The following PDE10A variants were observed in gnomAD, a reference collection of about 807,000 sequenced individuals.
The protein encoded by PDE10A is cAMP and cAMP-inhibited cGMP 3',5'-cyclic phosphodiesterase 10A.
Under a neutral mutation model 97.7 loss-of-function variants are expected in PDE10A, and 39 were observed. That is an observed-to-expected ratio of 0.40 (90% confidence interval 0.31 to 0.52). The LOEUF (loss-of-function observed/expected upper bound fraction) is 0.52, where lower values mean the gene tolerates loss of function less well. Ranked by LOEUF, PDE10A falls within the 20% of genes least tolerant of loss-of-function variation. The pLI, the probability that PDE10A is intolerant of heterozygous loss-of-function variation, is 0.56. For missense variants in PDE10A, 731 were observed against 1,047.8 expected (o/e 0.70, Z 4.17); for synonymous variants, 371 against 376.8 (o/e 0.98, Z 0.18).
At chr6:165,599,927 A>G (rs1786838380) in intron 1 of PDE10A, among the ~76,000 whole-genome samples, 1 of 152,138 alleles carries the variant, frequency 6.6e-6, no homozygotes, top group Non-Finnish European at 1.5e-5. Context: ...AAGGTGACAC[A>G]CTGATGGGGT....
chr6:165,961,233 A>G (rs138841586), intron 1 of PDE10A, among the ~76,000 whole-genome samples: 1 of 152,268 alleles, frequency 6.6e-6, no homozygotes, highest in East Asian at 1.9e-4. Context: ...TTTCAGTCCC[A>G]AAAAACAAAT....
intron 5 of PDE10A, among the ~76,000 whole-genome samples, chr6:165,446,194 T>C (rs1217170872): frequency 1.3e-5 from 2 of 152,236 alleles, no homozygotes. Context: ...ACCAAAGATA[T>C]ATTCCAAGGA....
At chr6:165,763,275 T>C (rs1195569518) in intron 1 of PDE10A, among the ~76,000 whole-genome samples, 2 of 152,216 alleles carry the variant, frequency 1.3e-5, no homozygotes, top group Admixed American at 6.5e-5. Context: ...CCCTGGTGTT[T>C]TGACTGACAT....
intron 1 of PDE10A, among the ~76,000 whole-genome samples, chr6:165,982,896 A>C (rs552114386): frequency 1.3e-5 from 2 of 152,304 alleles, no homozygotes; most frequent in East Asian, 3.9e-4. Context: ...CAAAACAAAA[A>C]TTGTCATTGG....
chr6:165,835,123 G>A (rs1185662270), intron 1 of PDE10A, among the ~76,000 whole-genome samples: 2 of 152,170 alleles, frequency 1.3e-5, no homozygotes, highest in African/African-American at 2.4e-5. Flanking sequence ...GTGGGGAAGG[G>A]CCGTCCTCGG....
chr6:165,945,048 G>C (rs1390240225), intron 1 of PDE10A, among the ~76,000 whole-genome samples: 1 of 152,162 alleles, frequency 6.6e-6, no homozygotes, highest in Non-Finnish European at 1.5e-5. Context: ...ATGTTGCACA[G>C]GGCGGTTGGT....
At chr6:165,714,140 A>G (rs760041778) in intron 1 of PDE10A, among the ~76,000 whole-genome samples, 5 of 152,218 alleles carry the variant, frequency 3.3e-5, no homozygotes, top group African/African-American at 4.8e-5. Context: ...GGGGTCCCCT[A>G]TTGCGTATCT....
intron 1 of PDE10A, among the ~76,000 whole-genome samples, chr6:165,638,568 A>T (rs1181593921): frequency 1.3e-5 from 2 of 152,236 alleles, no homozygotes; most frequent in African/African-American, 4.8e-5. Context: ...AGAACATTCA[A>T]ACTTTATATT....
chr6:165,843,141 G>A (rs1780307295), intron 1 of PDE10A, among the ~76,000 whole-genome samples: 1 of 152,218 alleles, frequency 6.6e-6, no homozygotes, highest in South Asian at 2.1e-4. Context: ...TTGAGCAAGG[G>A]TGAGAAGACC....
At chr6:165,422,039 G>C (rs1359682706) in intron 10 of PDE10A, among the ~76,000 whole-genome samples, 1 of 149,484 alleles carries the variant, frequency 6.7e-6, no homozygotes, top group Non-Finnish European at 1.5e-5. Flanking sequence ...ACTCCAGCCA[G>C]GGTGACAGTG....
At chr6:165,595,732 A>T (rs889149619) in intron 1 of PDE10A, among the ~76,000 whole-genome samples, 4 of 152,166 alleles carry the variant, frequency 2.6e-5, no homozygotes, top group Admixed American at 2.6e-4. Context: ...GCACCAGTAG[A>T]CTCAACGTCT....
rs1022314690 is a variant in PDE10A at position 165,327,683 on chromosome 6, C to T, written c.*5342G>A. 8 of 152,282 alleles carry T rather than the reference C, an allele frequency of 5.3e-5. No homozygotes were observed. In the South Asian group the frequency reaches 1.0e-3, roughly 20 times the overall value. 9.4% of individuals were successfully genotyped at this position (152,282 alleles called of 1,614,324 possible). ...AGACCTCTTTAAATTATTGCACTTG[C>T]GCATTTTACAAAGATTTTTGTCATA... is the stretch of plus-strand genomic sequence containing the variant. On this transcript the variant is annotated 3_prime_UTR_variant, in exon 22 of 22. Coordinates refer to ENST00000539869, the MANE Select transcript of PDE10A (RefSeq NM_001385079.1).
chr6:165,684,485 G>T (rs1166952990), intron 1 of PDE10A, among the ~76,000 whole-genome samples: 2 of 152,210 alleles, frequency 1.3e-5, no homozygotes, highest in Non-Finnish European at 2.9e-5. Context: ...TTCCTGTTTG[G>T]CAAGCTATGG....
At chr6:165,743,470 C>T (rs989649458) in intron 1 of PDE10A, among the ~76,000 whole-genome samples, 2 of 152,186 alleles carry the variant, frequency 1.3e-5, no homozygotes, top group Non-Finnish European at 2.9e-5. Context: ...GCCTTCATCA[C>T]ACAAAGGCTG....
At chr6:165,854,988 G>GGAATGAATGAATGAAT (rs56216066) in intron 1 of PDE10A, among the ~76,000 whole-genome samples, 49 of 149,848 alleles carry the variant, frequency 3.3e-4, no homozygotes, top group African/African-American at 8.1e-4. Context: ...AAGAGGAAGA[G>GGAATGAATGAATGAAT]GAATGAATGA....
intron 15 of PDE10A, 44 bp from the exon 16 acceptor site, chr6:165,392,840 C>G: frequency 6.3e-7 from 1 of 1,587,548 alleles, no homozygotes; most frequent in Non-Finnish European, 8.6e-7. Context: ...AGTAGAGAAT[C>G]ACTATGTTGT....
chr6:165,717,872 G>T (rs1037496052), intron 1 of PDE10A, among the ~76,000 whole-genome samples: 1 of 152,096 alleles, frequency 6.6e-6, no homozygotes, highest in Non-Finnish European at 1.5e-5. Context: ...GTGCTTGCTG[G>T]CCATCTGTAT....
intron 1 of PDE10A, among the ~76,000 whole-genome samples, chr6:165,729,898 G>A (rs1352509319): frequency 2.0e-5 from 3 of 152,102 alleles, no homozygotes; most frequent in African/African-American, 7.2e-5. Flanking sequence ...GTTTTTGATT[G>A]AAAAATTATC....
intron 1 of PDE10A, among the ~76,000 whole-genome samples, chr6:165,907,645 G>A (rs373666244): frequency 2.0e-5 from 3 of 152,316 alleles, no homozygotes; most frequent in East Asian, 3.9e-4. Context: ...GAGTGCCATC[G>A]TGGTTTGTGA....
Sources: gnomAD v4.1 joint callset for allele counts (sites outside exome capture counted in the v4.1 genomes callset) on GRCh38, gnomAD v4.1.1 for gene constraint, MANE v1.5 for transcripts, NCBI Gene and HGNC (gene_info 2026-07-23, HGNC 2026-07-21) for gene names.